The following NHSL1 variants were observed in gnomAD, a reference collection of about 807,000 sequenced individuals.
The protein encoded by NHSL1 is NHS like 1.
A neutral mutation model predicts 95.0 loss-of-function variants in NHSL1; 48 were observed. That is an observed-to-expected ratio of 0.51 (90% confidence interval 0.40 to 0.64). The LOEUF is 0.64. NHSL1 is among the 30% of genes least tolerant of loss of function. The pLI, the probability that NHSL1 is intolerant of heterozygous loss-of-function variation, is 0.00. For synonymous variants in NHSL1, 783 were observed against 833.9 expected (o/e 0.94, Z 1.05); for missense variants, 1,971 against 2,077.7 (o/e 0.95, Z 1.00).
intron 1 of NHSL1, among the ~76,000 whole-genome samples, chr6:138,565,409 T>C (rs1434095390): frequency 1.3e-5 from 2 of 151,988 alleles, no homozygotes; most frequent in African/African-American, 4.8e-5. Flanking sequence ...TCCCAGCTGG[T>C]TTTTGTATCT....
rs149993592 is a variant in NHSL1 at position 138,609,411 on chromosome 6, C to A, written c.96+83065G>T. Among the ~76,000 whole-genome samples, 29 of 152,264 alleles carry A rather than the reference C, an allele frequency of 1.9e-4. No homozygotes were observed. In the East Asian group the frequency reaches 5.0e-3, roughly 26 times the overall value. On this transcript the variant is annotated intron_variant, in intron 1 of 3. Transcript: ENST00000491526. ...GCTCAAGCCCCACCATTACAACTGA[C>A]CATGTGGCCTTGACCAACTTTCCTA...
At chr6:138,506,738 A>G (rs1780981903) in intron 1 of NHSL1, among the ~76,000 whole-genome samples, 3 of 152,178 alleles carry the variant, frequency 2.0e-5, no homozygotes, top group Admixed American at 2.0e-4. Context: ...GGTTAGTAAT[A>G]AAGATTTATT....
chr6:138,476,829 G>GA (rs892964898), intron 2 of NHSL1, among the ~76,000 whole-genome samples: 8 of 151,078 alleles, frequency 5.3e-5, no homozygotes, highest in African/African-American at 1.9e-4. Flanking sequence ...CTCCATCTCA[G>GA]AAAAAAGAAA....
intron 1 of NHSL1, among the ~76,000 whole-genome samples, chr6:138,555,601 T>C (rs569952836): frequency 1.3e-4 from 20 of 152,306 alleles, no homozygotes; most frequent in African/African-American, 4.8e-4. Context: ...TGAATTCTGT[T>C]CTTGTGCGGA....
chr6:138,525,253 CG>C (rs1781850847), intron 1 of NHSL1, among the ~76,000 whole-genome samples: 1 of 152,138 alleles, frequency 6.6e-6, no homozygotes, highest in Non-Finnish European at 1.5e-5. Flanking sequence ...GGGCTGAGCA[CG>C]GTGGCTTATG....
At chr6:138,428,503 G>A (rs1184315772) in intron 7 of NHSL1, among the ~76,000 whole-genome samples, 1 of 152,212 alleles carries the variant, frequency 6.6e-6, no homozygotes, top group Admixed American at 6.5e-5. Flanking sequence ...GAAGAAACCA[G>A]TCCATGTTAA....
chr6:138,464,585 T>A (rs1778224495), intron 3 of NHSL1, among the ~76,000 whole-genome samples: 1 of 152,230 alleles, frequency 6.6e-6, no homozygotes, highest in Non-Finnish European at 1.5e-5. Flanking sequence ...CTATAAGTGA[T>A]CCTTAAAAAG....
At chr6:138,673,364 TAA>T (rs1161770082) in intron 1 of NHSL1, among the ~76,000 whole-genome samples, 1 of 151,120 alleles carries the variant, frequency 6.6e-6, no homozygotes, top group Non-Finnish European at 1.5e-5. Flanking sequence ...CCCATTAATA[TAA>T]ACACACATTT....
intron 1 of NHSL1, among the ~76,000 whole-genome samples, chr6:138,564,080 C>T (rs1438751682): frequency 2.0e-5 from 3 of 151,570 alleles, no homozygotes; most frequent in African/African-American, 7.3e-5. Context: ...TTTTTTTTAT[C>T]CAAAGAGCTT....
intron 1 of NHSL1, among the ~76,000 whole-genome samples, chr6:138,526,455 T>A (rs1781909943): frequency 6.6e-6 from 1 of 152,210 alleles, no homozygotes; most frequent in Non-Finnish European, 1.5e-5. Context: ...CACTCCAGCC[T>A]GGGTGATAGA....
chr6:138,522,241 T>C (rs769736813), intron 1 of NHSL1, among the ~76,000 whole-genome samples: 1 of 152,182 alleles, frequency 6.6e-6, no homozygotes, highest in Non-Finnish European at 1.5e-5. Flanking sequence ...CTGAAGGACA[T>C]GTGAAGTCAA....
rs943633665 is a variant in NHSL1, at chr6:138,462,947, T to A, written c.339+10359A>T. On this transcript the variant is annotated intron_variant, in intron 3 of 7. Coordinates refer to ENST00000343505, the MANE Select transcript of NHSL1 (RefSeq NM_001144060.2). ...AGCCAAGGAAGGATGAGTGTGTAGA[T>A]GAAGAGGGCAGGGTTAATGGGTGAG... Among the ~76,000 whole-genome samples, 22 of 152,138 alleles carry A rather than the reference T, an allele frequency of 1.4e-4. 1 individual carries two copies. Among genetic ancestry groups the A allele is most frequent in the Admixed American group, 1.2e-3 (19 of 15,282 alleles).
At chr6:138,688,599 C>T (rs1224008632) in intron 1 of NHSL1, among the ~76,000 whole-genome samples, 1 of 151,962 alleles carries the variant, frequency 6.6e-6, no homozygotes, top group Non-Finnish European at 1.5e-5. Flanking sequence ...GCTGAGATCA[C>T]GCCACTGCAC....
intron 1 of NHSL1, among the ~76,000 whole-genome samples, chr6:138,652,691 C>A (rs950134861): frequency 6.6e-6 from 1 of 152,052 alleles, no homozygotes; most frequent in Non-Finnish European, 1.5e-5. Context: ...CACTGTTATT[C>A]TCCAAGCAAT....
At chr6:138,429,195 C>T (rs989388725) in intron 7 of NHSL1, among the ~76,000 whole-genome samples, 7 of 152,154 alleles carry the variant, frequency 4.6e-5, no homozygotes, top group African/African-American at 1.7e-4. Flanking sequence ...TCTTTTGCTC[C>T]CGCTTAAAGG....
intron 5 of NHSL1, among the ~76,000 whole-genome samples, chr6:138,437,376 A>ATATATACAC (rs1776218799): frequency 2.7e-5 from 1 of 37,444 alleles, no homozygotes; most frequent in African/African-American, 1.3e-4. Context: ...ATATATACAC[A>ATATATACAC]TATATATATA....
At chr6:138,492,647 T>C (rs1332351710) in intron 2 of NHSL1, among the ~76,000 whole-genome samples, 2 of 152,254 alleles carry the variant, frequency 1.3e-5, no homozygotes, top group Non-Finnish European at 1.5e-5. Flanking sequence ...AAAATGTATA[T>C]GTTTACATTT....
intron 1 of NHSL1, among the ~76,000 whole-genome samples, chr6:138,496,810 G>T (rs1291336323): frequency 6.6e-6 from 1 of 152,084 alleles, no homozygotes; most frequent in African/African-American, 2.4e-5. Context: ...CTACCAGGAG[G>T]TTTATAACAA....
chr6:138,492,694 C>G (rs1180288039), intron 2 of NHSL1, among the ~76,000 whole-genome samples: 1 of 152,160 alleles, frequency 6.6e-6, no homozygotes, highest in Non-Finnish European at 1.5e-5. Flanking sequence ...TGTCGTTTCC[C>G]TTCACACTTT....
Sources: allele counts gnomAD v4.1 joint callset (sites outside exome capture counted in the v4.1 genomes callset), GRCh38; gene constraint gnomAD v4.1.1; transcripts MANE v1.5; gene names NCBI Gene and HGNC (gene_info 2026-07-23, HGNC 2026-07-21).